Variants in SHANK2 observed in about 807,000 individuals in gnomAD.
The protein encoded by SHANK2 is SH3 and multiple ankyrin repeat domains protein 2.
SHANK2 carries 43 observed loss-of-function variants against 133.7 expected under a neutral mutation model. The ratio of observed to expected loss-of-function variants is 0.32; its 90% CI spans 0.25 to 0.41. The LOEUF is 0.41. Ranked by LOEUF, SHANK2 falls within the 10% of genes least tolerant of loss-of-function variation. SHANK2 has a pLI of 1.00. For synonymous variants in SHANK2, 1,017 were observed against 952.8 expected, an observed-to-expected ratio of 1.07 and a Z score of -1.24; for missense variants, 1,994 against 2,235.8, an observed-to-expected ratio of 0.89 and a Z score of 2.18.
rs34927941 is a variant in SHANK2 at position 70,554,833 on chromosome 11, A to ATT, written c.2062-51904_2062-51903dup. ...CAACTGCTGATTTTTCACTATCTCC[A>ATT]TTTTTTTTTTTTTTTGAGAATGTCA... On this transcript the variant is annotated intron_variant, in intron 17 of 25. Transcript: ENST00000601538. Among the ~76,000 whole-genome samples, 713 of 114,860 alleles carry ATT rather than the reference A, an allele frequency of 6.2e-3. 2 individuals are homozygous for ATT. Among genetic ancestry groups the ATT allele is most frequent in the Non-Finnish European group, 9.9e-3 (546 of 54,966 alleles). The allele number at this position is 114,860 out of a possible 152,430, so 75.4% of individuals were successfully genotyped here.
Position 70,742,627 on chromosome 11 carries a change from G to A in SHANK2, c.1778-43864C>T, listed in dbSNP as rs549476292. Reference sequence around the variant, plus strand: ...CCATCCCATAATCCAGCACTTCCCCGCATGACAGAGAGGCAGGCCCAGGAC... The same window carrying A: ...CCATCCCATAATCCAGCACTTCCCCACATGACAGAGAGGCAGGCCCAGGAC... On this transcript the variant is annotated intron_variant, in intron 14 of 25. Coordinates refer to ENST00000601538, the MANE Select transcript of SHANK2 (RefSeq NM_012309.5). 7.2e-5 allele frequency among the ~76,000 whole-genome samples: 11 copies of A among 152,220 alleles called. No homozygotes were observed. The East Asian group carries it at 9.7e-4, about 13-fold the overall frequency.
intron 11 of SHANK2, among the ~76,000 whole-genome samples, chr11:70,851,639 G>A (rs894302432): frequency 6.6e-6 from 1 of 152,170 alleles, no homozygotes; most frequent in Non-Finnish European, 1.5e-5. Flanking sequence ...CCCTGCCTCA[G>A]TTATGGACCA....
intron 15 of SHANK2, among the ~76,000 whole-genome samples, chr11:70,678,928 A>G (rs1006773309): frequency 3.3e-5 from 5 of 152,110 alleles, no homozygotes; most frequent in Non-Finnish European, 7.3e-5. Flanking sequence ...TTGCCTTGAC[A>G]TACATCCTCC....
intron 15 of SHANK2, among the ~76,000 whole-genome samples, chr11:70,664,110 G>GAGA (rs1555014242): frequency 6.6e-6 from 1 of 152,166 alleles, no homozygotes; most frequent in Non-Finnish European, 1.5e-5. Flanking sequence ...GGAGAGCTGG[G>GAGA]GCTCTACTGC....
intron 1 of SHANK2, among the ~76,000 whole-genome samples, chr11:71,247,486 A>T (rs1954977043): frequency 6.6e-6 from 1 of 151,192 alleles, no homozygotes. Flanking sequence ...GTTTTTTTTA[A>T]AAAAAACAAC....
chr11:70,704,806 G>A (rs1945622406), intron 14 of SHANK2, among the ~76,000 whole-genome samples: 1 of 152,196 alleles, frequency 6.6e-6, no homozygotes, highest in East Asian at 1.9e-4. Context: ...TGGTCACTGA[G>A]GCTACTAATC....
chr11:71,210,235 TATATATATATATATATATTTATTTA>T (rs1954235964), intron 2 of SHANK2, among the ~76,000 whole-genome samples: 4 of 103,112 alleles, frequency 3.9e-5, no homozygotes, highest in African/African-American at 2.0e-4. Flanking sequence ...TATATATATA[TATATATATATATATATATTTATTTA>T]TTTTTTGAAA....
intron 15 of SHANK2, among the ~76,000 whole-genome samples, chr11:70,683,335 T>C (rs1945069137): frequency 6.6e-6 from 1 of 152,042 alleles, no homozygotes; most frequent in South Asian, 2.1e-4. Context: ...CTCAGCGAGC[T>C]CCACTCTGCC....
chr11:71,180,749 C>T (rs932247574), intron 2 of SHANK2, among the ~76,000 whole-genome samples: 2 of 152,092 alleles, frequency 1.3e-5, no homozygotes, highest in African/African-American at 4.8e-5. Context: ...CAGGAACTTA[C>T]ACTTTTAGGA....
chr11:71,188,670 G>A lies in SHANK2; in HGVS notation c.-13+36027C>T, dbSNP rs189182318. ...ACTGAGGTGTGGGCCCAAATGCACC[G>A]TGCTGGTGCTAGAGTGCCCTGCTCA... is the stretch of plus-strand genomic sequence containing the variant. On this transcript the variant is annotated intron_variant, in intron 2 of 25. Coordinates refer to ENST00000601538, the MANE Select transcript of SHANK2 (RefSeq NM_012309.5). The surrounding 1 kb of genome is among the most constrained non-coding windows in gnomAD (Gnocchi z 4.6). Among the ~76,000 whole-genome samples the A allele has an allele frequency of 2.0e-4, 31 of 152,298 alleles. No homozygotes were observed. The highest frequency in any genetic ancestry group is 5.3e-4 in the African/African-American group (22 of 41,568).
At chr11:70,651,695 G>A (rs2134214733) in intron 17 of SHANK2, among the ~76,000 whole-genome samples, 1 of 152,292 alleles carries the variant, frequency 6.6e-6, no homozygotes, top group East Asian at 1.9e-4. Flanking sequence ...CACTCAAGAG[G>A]GATGCAGGAC....
intron 10 of SHANK2, among the ~76,000 whole-genome samples, chr11:70,948,915 A>G (rs1002279348): frequency 1.3e-5 from 2 of 152,192 alleles, no homozygotes; most frequent in Admixed American, 1.3e-4. Context: ...GCAGGTTACA[A>G]TCAAGCTCTC....
chr11:70,514,507 A>T (rs1190368450), intron 17 of SHANK2, among the ~76,000 whole-genome samples: 1 of 152,256 alleles, frequency 6.6e-6, no homozygotes, highest in Admixed American at 6.5e-5. Flanking sequence ...TCACTGTTTT[A>T]GGCAAAAATA....
chr11:70,697,429 A>C (rs916530269), intron 15 of SHANK2, among the ~76,000 whole-genome samples: 1 of 152,232 alleles, frequency 6.6e-6, no homozygotes, highest in South Asian at 2.1e-4. Flanking sequence ...ATCTACGCGC[A>C]GCACCGAGGC....
intron 6 of SHANK2, among the ~76,000 whole-genome samples, chr11:71,101,252 C>A (rs1478028991): frequency 6.6e-6 from 1 of 152,180 alleles, no homozygotes; most frequent in African/African-American, 2.4e-5. Flanking sequence ...CTGGCCCCTG[C>A]CTCCGTGTCA....
intron 10 of SHANK2, among the ~76,000 whole-genome samples, chr11:70,955,460 T>TGTGTGTGTGA (rs1227696253): frequency 6.7e-6 from 1 of 148,978 alleles, no homozygotes; most frequent in Admixed American, 6.7e-5. Context: ...TGTGTGTGTG[T>TGTGTGTGTGA]GAATGTACAC....
chr11:70,669,200 G>A (rs1171444402), intron 15 of SHANK2: 4 of 152,282 alleles, frequency 2.6e-5, no homozygotes, highest in East Asian at 1.9e-4. Context: ...GAACACTGTC[G>A]TGCTCCTGCC....
chr11:70,546,097 A>ATTTTTTTTTTTTTTTTTT (rs57144719), intron 17 of SHANK2, among the ~76,000 whole-genome samples: 1 of 137,514 alleles, frequency 7.3e-6, no homozygotes. Context: ...TATTTATTTA[A>ATTTTTTTTTTTTTTTTTT]TTTTTTTTTT....
intron 21 of SHANK2, among the ~76,000 whole-genome samples, chr11:70,499,136 C>G (rs1313489595): frequency 2.0e-5 from 3 of 152,260 alleles, no homozygotes; most frequent in African/African-American, 7.2e-5. Context: ...CCACTATGTG[C>G]CCCGCACTTC....
Sources: allele counts gnomAD v4.1 joint callset (sites outside exome capture counted in the v4.1 genomes callset), GRCh38; gene constraint gnomAD v4.1.1; non-coding constraint Gnocchi (gnomAD v3.1); transcripts MANE v1.5; gene names NCBI Gene and HGNC (gene_info 2026-07-23, HGNC 2026-07-21).